The following STK17B variants were observed in gnomAD, a reference collection of about 807,000 sequenced individuals.
STK17B encodes serine/threonine-protein kinase 17B.
Under a neutral mutation model 42.0 loss-of-function variants are expected in STK17B, and 21 were observed. That is an observed-to-expected ratio of 0.50 (90% CI 0.35 to 0.72). The LOEUF is 0.72. Ranked by LOEUF, STK17B falls within the 30% of genes least tolerant of loss-of-function variation. STK17B has a pLI of 0.00. For synonymous variants in STK17B, 143 were observed against 148.4 expected, an observed-to-expected ratio of 0.96 and a Z score of 0.26; for missense variants, 349 against 446.0, an observed-to-expected ratio of 0.78 and a Z score of 1.96.
At chr2:196,174,631 C>T (rs999180746), upstream of STK17B, among the ~76,000 whole-genome samples, 6 of 152,348 alleles carry the variant, frequency 3.9e-5, no homozygotes, top group African/African-American at 1.2e-4. Context: ...ACCCCCCACC[C>T]AACAGGGGTG....
chr2:196,160,211 C>A (rs1699793593), intron 2 of STK17B, among the ~76,000 whole-genome samples: 1 of 152,112 alleles, frequency 6.6e-6, no homozygotes, highest in Non-Finnish European at 1.5e-5. Flanking sequence ...CTTCTGCATT[C>A]CCCTTCTGCA....
At chr2:196,152,307 C>A (rs1191454518) in intron 3 of STK17B, among the ~76,000 whole-genome samples, 1 of 152,118 alleles carries the variant, frequency 6.6e-6, no homozygotes, top group Non-Finnish European at 1.5e-5. Context: ...CAGGGTTTCA[C>A]CCTGTTAGCC....
intron 1 of STK17B, chr2:196,165,561 T>C (rs1914966): frequency 0.62 from 94,957 of 151,970 alleles, 29,757 homozygotes; most frequent in South Asian, 0.66. Flanking sequence ...GGACGGTTTA[T>C]CACTACTTTG....
At chr2:196,155,286 C>T (rs932118808) in intron 3 of STK17B, among the ~76,000 whole-genome samples, 15 of 152,120 alleles carry the variant, frequency 9.9e-5, no homozygotes, top group African/African-American at 3.4e-4. Context: ...TTGGCCTTTT[C>T]TGCAATTCTA....
chr2:196,145,139 T>C (rs1445528443), intron 4 of STK17B, among the ~76,000 whole-genome samples: 1 of 150,178 alleles, frequency 6.7e-6, no homozygotes, highest in East Asian at 2.0e-4. Context: ...CCCTGCTCCA[T>C]AGTGGGGCCC....
At chr2:196,162,023 T>C (rs985191106) in intron 2 of STK17B, among the ~76,000 whole-genome samples, 3 of 152,172 alleles carry the variant, frequency 2.0e-5, no homozygotes, top group Non-Finnish European at 4.4e-5. Flanking sequence ...AACACAAATA[T>C]GGACTTAGTA....
intron 2 of STK17B, among the ~76,000 whole-genome samples, chr2:196,156,971 C>T (rs529524501): frequency 6.6e-6 from 1 of 152,256 alleles, no homozygotes; most frequent in East Asian, 1.9e-4. Flanking sequence ...TCAAGACCAG[C>T]CTGGCCAACA....
At chr2:196,153,506 C>T (rs1224976472) in intron 3 of STK17B, 3 of 151,644 alleles carry the variant, frequency 2.0e-5, no homozygotes, top group Non-Finnish European at 2.9e-5. Flanking sequence ...GATTTCCTAA[C>T]ACTATCCTTA....
chr2:196,137,353 T>A lies in STK17B; in HGVS notation c.*94A>T, dbSNP rs1699420730. On this transcript the variant is annotated 3_prime_UTR_variant, in exon 8 of 8. Coordinates refer to ENST00000263955, the MANE Select transcript of STK17B (RefSeq NM_004226.4). ...ATTCCATGGAAAAGTGCATTTACAA[T>A]ATAAACATGTCATATATGAAGCTAC... The A allele has an allele frequency of 2.3e-6, 3 of 1,329,364 alleles. No individual in the cohort carries two copies. The highest frequency in any genetic ancestry group is 2.0e-4 in the Middle Eastern group (1 of 5,080). The allele number at this position is 1,329,364 out of a possible 1,614,324, so 82.3% of individuals were successfully genotyped here. A position where few individuals can be genotyped will look rare whatever the true frequency, so the allele number is the denominator to read the frequency against.
chr2:196,139,177 G>A (rs888841763), intron 7 of STK17B, among the ~76,000 whole-genome samples: 6 of 151,698 alleles, frequency 4.0e-5, no homozygotes, highest in African/African-American at 1.5e-4. Flanking sequence ...TGTTAGCCAG[G>A]AGGGTCTCAA....
At chr2:196,140,577 C>CCTTTTTTTTTTTT (rs1334737441) in intron 6 of STK17B, among the ~76,000 whole-genome samples, 2 of 101,478 alleles carry the variant, frequency 2.0e-5, no homozygotes, top group Non-Finnish European at 1.9e-5. Context: ...CTTCTTCTAG[C>CCTTTTTTTTTTTT]TTTTTTTTTT....
chr2:196,170,640 C>T (rs1427201988), intron 1 of STK17B, among the ~76,000 whole-genome samples: 1 of 152,118 alleles, frequency 6.6e-6, no homozygotes, highest in Non-Finnish European at 1.5e-5. Flanking sequence ...GGGTAAATGT[C>T]AAAAATCGTT....
intron 1 of STK17B, among the ~76,000 whole-genome samples, chr2:196,169,640 T>C (rs538103890): frequency 1.8e-4 from 27 of 152,300 alleles, no homozygotes; most frequent in African/African-American, 6.0e-4. Flanking sequence ...ACGTCAGCCA[T>C]AAAAATGCTT....
At chr2:196,138,590 T>A (rs1050981531) in intron 7 of STK17B, among the ~76,000 whole-genome samples, 5 of 152,096 alleles carry the variant, frequency 3.3e-5, no homozygotes, top group African/African-American at 1.2e-4. Context: ...TGGTTTTTTT[T>A]TTTGCAATGT....
At chr2:196,168,048 T>C (rs1334849511) in intron 1 of STK17B, among the ~76,000 whole-genome samples, 1 of 152,242 alleles carries the variant, frequency 6.6e-6, no homozygotes, top group Non-Finnish European at 1.5e-5. Flanking sequence ...ATGATGATGA[T>C]TTTCAATTTC....
chr2:196,149,178 T>C (rs75631036), intron 3 of STK17B, among the ~76,000 whole-genome samples: 3 of 151,576 alleles, frequency 2.0e-5, no homozygotes, highest in African/African-American at 4.8e-5. Flanking sequence ...TTTTTTTTTT[T>C]CCTGAGACTG....
intron 6 of STK17B, among the ~76,000 whole-genome samples, chr2:196,140,573 C>T (rs964720534): frequency 1.3e-4 from 18 of 134,404 alleles, no homozygotes; most frequent in African/African-American, 4.9e-4. Flanking sequence ...ATACCTTCTT[C>T]TAGCTTTTTT....
intron 2 of STK17B, 115 bp from the exon 3 acceptor site, chr2:196,156,766 T>C (rs1432254878): frequency 2.5e-6 from 2 of 794,574 alleles, no homozygotes; most frequent in Admixed American, 2.8e-5. Context: ...ATCTGTGTCA[T>C]TAGGAATTTA....
intron 1 of STK17B, chr2:196,166,232 G>A (rs932836768): frequency 6.6e-6 from 1 of 152,198 alleles, no homozygotes; most frequent in Non-Finnish European, 1.5e-5. Context: ...AGTGGAGCAT[G>A]AATGTCACCT....
Sources: allele counts gnomAD v4.1 joint callset (sites outside exome capture counted in the v4.1 genomes callset), GRCh38; gene constraint gnomAD v4.1.1; transcripts MANE v1.5; gene names NCBI Gene and HGNC (gene_info 2026-07-23, HGNC 2026-07-21).